WWOX: variants seen among roughly 807,000 people sequenced by gnomAD.
WWOX encodes WW domain containing oxidoreductase.
WWOX carries 69 observed loss-of-function variants against 46.2 expected under a neutral mutation model. The observed-to-expected ratio is 1.49, with a 90% CI of 1.23 to 1.82. The LOEUF (loss-of-function observed/expected upper bound fraction) is 1.82. WWOX is among the 40% of genes most tolerant of loss of function. The probability of loss-of-function intolerance (pLI) is 0.00; values close to 1 mark genes in which losing one functional copy is unlikely to be tolerated. For synonymous variants in WWOX, 359 were observed against 202.6 expected, an observed-to-expected ratio of 1.77 and a Z score of -6.56; for missense variants, 919 against 542.6, an observed-to-expected ratio of 1.69 and a Z score of -6.89.
intron 8 of WWOX, among the ~76,000 whole-genome samples, chr16:78,450,459 T>G (rs1156948736): frequency 6.6e-6 from 1 of 152,218 alleles, no homozygotes; most frequent in Non-Finnish European, 1.5e-5. Context: ...CCAAGTAATC[T>G]GAGCTAGAAA....
chr16:78,377,562 G>T (rs916667533), intron 5 of WWOX, among the ~76,000 whole-genome samples: 39 of 152,218 alleles, frequency 2.6e-4, no homozygotes, highest in African/African-American at 9.4e-4. Context: ...TACTTCAATA[G>T]CAAGGCATAA....
intron 5 of WWOX, among the ~76,000 whole-genome samples, chr16:78,172,711 G>C (rs1041088508): frequency 6.6e-6 from 1 of 152,076 alleles, no homozygotes; most frequent in East Asian, 1.9e-4. Flanking sequence ...AAGAGTGAAA[G>C]TCAAGCATAG....
intron 6 of WWOX, among the ~76,000 whole-genome samples, chr16:78,419,914 A>G (rs1007481598): frequency 1.4e-4 from 21 of 152,184 alleles, no homozygotes; most frequent in Non-Finnish European, 2.2e-4. Flanking sequence ...ATTTGTATCT[A>G]GAATAAAGAA....
chr16:78,678,308 C>T (rs778141284), intron 8 of WWOX, among the ~76,000 whole-genome samples: 4 of 152,068 alleles, frequency 2.6e-5, no homozygotes, highest in African/African-American at 7.2e-5. Flanking sequence ...CCCAGGAGGT[C>T]AAGGCTGCAG....
At chr16:78,897,344 C>T (rs964548945) in intron 8 of WWOX, 1 of 151,362 alleles carries the variant, frequency 6.6e-6, no homozygotes, top group African/African-American at 2.4e-5. Flanking sequence ...CCTTTTATTC[C>T]CAGAAACAAG....
chr16:78,537,097 A>C (rs142415960), intron 8 of WWOX, among the ~76,000 whole-genome samples: 1,531 of 152,038 alleles, frequency 0.01, 35 homozygotes, highest in African/African-American at 0.036. Context: ...TTGTATTTTT[A>C]GTAGAGGCGG....
At chr16:78,879,622 A>C (rs1255636688) in intron 8 of WWOX, among the ~76,000 whole-genome samples, 1 of 152,210 alleles carries the variant, frequency 6.6e-6, no homozygotes, top group Non-Finnish European at 1.5e-5. Flanking sequence ...TCACGCCTGT[A>C]ATCCCAGCGC....
At chr16:78,506,284 A>G (rs2085202091) in intron 8 of WWOX, among the ~76,000 whole-genome samples, 1 of 152,206 alleles carries the variant, frequency 6.6e-6, no homozygotes, top group South Asian at 2.1e-4. Flanking sequence ...GCGCGTGCTG[A>G]CACTCTATAT....
chr16:78,542,018 CAAAAA>C lies in WWOX; in HGVS notation c.1056+109290_1056+109294del, dbSNP rs548366256. Reference sequence around the variant, plus strand: ...GAGGGTTTCTTTCAACAGAGTATACCAAAAAAAAAAAAAAAAAAAAAAAAAAAAGT... The same window carrying C: ...GAGGGTTTCTTTCAACAGAGTATACCAAAAAAAAAAAAAAAAAAAAAAAGT... On this transcript the variant is annotated intron_variant, in intron 8 of 8. Transcript: ENST00000566780. Among the ~76,000 whole-genome samples, 33 of 40,638 alleles carry C rather than the reference CAAAAA, an allele frequency of 8.1e-4. No individual in the cohort carries two copies. In the South Asian group the frequency reaches 0.025, roughly 31 times the overall value. The allele number at this position is 40,638 out of a possible 152,430, so 26.7% of individuals were successfully genotyped here.
chr16:78,564,070 C>T (rs1330493506), intron 8 of WWOX, among the ~76,000 whole-genome samples: 1 of 152,194 alleles, frequency 6.6e-6, no homozygotes, highest in African/African-American at 2.4e-5. Context: ...ACCATGTTTC[C>T]ATATTGCCCC....
intron 4 of WWOX, among the ~76,000 whole-genome samples, chr16:78,133,368 C>G (rs912722591): frequency 2.2e-4 from 34 of 152,194 alleles, no homozygotes; most frequent in Non-Finnish European, 2.9e-5. Context: ...AAAGGAGATT[C>G]TCCTGCTTCA....
At chr16:78,335,382 G>A (rs997661735) in intron 5 of WWOX, among the ~76,000 whole-genome samples, 6 of 152,240 alleles carry the variant, frequency 3.9e-5, no homozygotes, top group Middle Eastern at 3.4e-3. Flanking sequence ...GCAGTGTTTG[G>A]TTTTCAGTTT....
chr16:79,037,264 G>A (rs1321233611), intron 8 of WWOX, among the ~76,000 whole-genome samples: 1 of 152,136 alleles, frequency 6.6e-6, no homozygotes, highest in Non-Finnish European at 1.5e-5. Flanking sequence ...CTGACTCTGG[G>A]GGATGCTTCT....
chr16:78,306,899 A>G (rs1272168601), intron 5 of WWOX, among the ~76,000 whole-genome samples: 1 of 152,040 alleles, frequency 6.6e-6, no homozygotes, highest in African/African-American at 2.4e-5. Flanking sequence ...CCACTTGTGT[A>G]GTGTGTCTGT....
At chr16:78,838,637 T>G (rs1437502875) in intron 8 of WWOX, among the ~76,000 whole-genome samples, 5 of 151,856 alleles carry the variant, frequency 3.3e-5, no homozygotes, top group Non-Finnish European at 7.4e-5. Context: ...AGGTCCGGAG[T>G]TCCAGACCAG....
intron 8 of WWOX, among the ~76,000 whole-genome samples, chr16:78,924,960 C>T (rs1305983195): frequency 6.6e-6 from 1 of 152,080 alleles, no homozygotes; most frequent in Non-Finnish European, 1.5e-5. Flanking sequence ...TTTGGGGGGC[C>T]AAGGCGGGAG....
intron 5 of WWOX, among the ~76,000 whole-genome samples, chr16:78,180,314 T>G (rs751655241): frequency 1.8e-4 from 27 of 152,128 alleles, no homozygotes; most frequent in Non-Finnish European, 1.5e-4. Flanking sequence ...TTAGGTAGAA[T>G]GAACAGCTTA....
At chr16:78,657,327 A>C (rs1435427394) in intron 8 of WWOX, among the ~76,000 whole-genome samples, 1 of 152,074 alleles carries the variant, frequency 6.6e-6, no homozygotes, top group Non-Finnish European at 1.5e-5. Context: ...GAAGAAAATG[A>C]GGTGGGGGGA....
At chr16:79,109,182 G>A (rs1333218313) in intron 8 of WWOX, among the ~76,000 whole-genome samples, 2 of 152,244 alleles carry the variant, frequency 1.3e-5, no homozygotes, top group Admixed American at 6.5e-5. Flanking sequence ...CCAGGACTCT[G>A]TGTAAACTGT....
Sources: allele counts gnomAD v4.1 joint callset (sites outside exome capture counted in the v4.1 genomes callset), GRCh38; gene constraint gnomAD v4.1.1; transcripts MANE v1.5; gene names NCBI Gene and HGNC (gene_info 2026-07-23, HGNC 2026-07-21).